Variants in TRMT9B observed in about 807,000 individuals in gnomAD.
TRMT9B encodes probable tRNA methyltransferase 9B.
A neutral mutation model predicts 11.5 loss-of-function variants in TRMT9B; 16 were observed. The ratio of observed to expected loss-of-function variants is 1.39; its 90% CI spans 0.94 to 2.11. The LOEUF is 2.11. Ranked by LOEUF, TRMT9B falls within the 30% of genes most tolerant of loss-of-function variation. The pLI is 0.00. For missense variants in TRMT9B, 941 were observed against 553.8 expected, an observed-to-expected ratio of 1.70 and a Z score of -7.02; for synonymous variants, 274 against 192.4, an observed-to-expected ratio of 1.42 and a Z score of -3.51.
chr8:13,012,782 T>C lies in TRMT9B; in HGVS notation c.253T>C (p.Cys85Arg), dbSNP rs917095425. ...GGTAGAGATTGCCCGGAATAGAGGA[T>C]GTGAAGCCATGGTATGTGACAACCT... is the stretch of plus-strand genomic sequence containing the variant. ...PLVEIARNRG[C>R]EAMVCDNLNL... Residue 85 changes from cysteine to arginine, a missense_variant, in exon 4 of 5, where the codon TGT (cysteine) becomes CGT (arginine). Cys to Arg is a radical substitution (Grantham distance 180). Transcript: ENST00000524591. 9 of 1,613,782 alleles carry C rather than the reference T, an allele frequency of 5.6e-6. No homozygotes were observed. The highest frequency in any genetic ancestry group is 1.3e-5 in the African/African-American group (1 of 74,886).
intron 1 of TRMT9B, among the ~76,000 whole-genome samples, chr8:12,968,033 C>A (rs1293507736): frequency 6.6e-6 from 1 of 152,202 alleles, no homozygotes; most frequent in Non-Finnish European, 1.5e-5. Context: ...TACAGGCACA[C>A]ACCACCACAC....
chr8:12,996,684 C>G (rs962075023), intron 2 of TRMT9B, among the ~76,000 whole-genome samples: 3 of 152,170 alleles, frequency 2.0e-5, no homozygotes, highest in Non-Finnish European at 4.4e-5. Flanking sequence ...AGGCAACTGC[C>G]TCAAAGCAAA....
intron 1 of TRMT9B, among the ~76,000 whole-genome samples, chr8:12,961,338 A>G (rs1034476804): frequency 6.6e-6 from 1 of 152,148 alleles, no homozygotes; most frequent in African/African-American, 2.4e-5. Context: ...CAATATTTTA[A>G]TTTAAAAAAA....
In TRMT9B at chr8:12,962,540, G is replaced by C. The variant is rs1056739577; in HGVS notation, c.-200+16574G>C. Reference sequence around the variant, plus strand: ...GGGTTCCCCTCTATCACCCAGGCTGGAGTGCAGTGGTGTGATCTTGGCTCA... The same window carrying C: ...GGGTTCCCCTCTATCACCCAGGCTGCAGTGCAGTGGTGTGATCTTGGCTCA... On this transcript the variant is annotated intron_variant, in intron 1 of 4. Transcript: ENST00000524591. Among the ~76,000 whole-genome samples the C allele has an allele frequency of 7.2e-4, 109 of 152,070 alleles. 3 individuals are homozygous for C. The highest frequency in any genetic ancestry group is 2.4e-5 in the African/African-American group (1 of 41,402).
intron 1 of TRMT9B, among the ~76,000 whole-genome samples, chr8:12,966,107 C>T (rs982430614): frequency 6.6e-6 from 1 of 151,876 alleles, no homozygotes; most frequent in African/African-American, 2.4e-5. Flanking sequence ...AGAAGGATCA[C>T]TTGAGCCCAG....
intron 1 of TRMT9B, among the ~76,000 whole-genome samples, chr8:12,987,155 C>G (rs1467705871): frequency 1.3e-5 from 2 of 152,202 alleles, no homozygotes; most frequent in African/African-American, 2.4e-5. Context: ...TATCTGGGTT[C>G]AAATCCTGGC....
intron 1 of TRMT9B, among the ~76,000 whole-genome samples, chr8:12,955,330 A>AGG (rs1470652872): frequency 6.6e-6 from 1 of 152,098 alleles, no homozygotes; most frequent in Non-Finnish European, 1.5e-5. Flanking sequence ...GATGATGATG[A>AGG]GGTGGTAGGG....
At chr8:13,009,812 G>A (rs1811249936) in intron 3 of TRMT9B, among the ~76,000 whole-genome samples, 1 of 151,976 alleles carries the variant, frequency 6.6e-6, no homozygotes, top group African/African-American at 2.4e-5. Context: ...CATGTTGTTT[G>A]CTGTATTTTG....
At chr8:13,020,920 C>T in intron 4 of TRMT9B, 88 bp from the exon 5 acceptor site, 1 of 852,980 alleles carries the variant, frequency 1.2e-6, no homozygotes, top group Middle Eastern at 3.1e-4. Flanking sequence ...GTCAAAATTT[C>T]ATCCTTGTTA....
At chr8:12,995,480 C>T (rs1207115828) in intron 2 of TRMT9B, among the ~76,000 whole-genome samples, 1 of 152,158 alleles carries the variant, frequency 6.6e-6, no homozygotes. Flanking sequence ...TTCTCCATTT[C>T]TGGCTTTCTT....
intron 1 of TRMT9B, among the ~76,000 whole-genome samples, chr8:12,949,126 G>GGCCT (rs1253265504): frequency 1.3e-5 from 2 of 151,910 alleles, no homozygotes; most frequent in Non-Finnish European, 2.9e-5. Context: ...TGGCATCACT[G>GGCCT]GCCTGTTTGT....
At chr8:12,981,658 G>T (rs116247306) in intron 1 of TRMT9B, among the ~76,000 whole-genome samples, 3,701 of 151,814 alleles carry the variant, frequency 0.024, 161 homozygotes, top group African/African-American at 0.085. Context: ...GGAGTGCAGT[G>T]TTGTGATCAT....
chr8:12,965,586 A>G (rs967657583), intron 1 of TRMT9B, among the ~76,000 whole-genome samples: 1 of 151,910 alleles, frequency 6.6e-6, no homozygotes, highest in East Asian at 1.9e-4. Context: ...CATATTTTTG[A>G]TAGGATCCCA....
intron 1 of TRMT9B, chr8:12,960,363 A>G (rs1417260709): frequency 6.6e-6 from 1 of 152,236 alleles, no homozygotes; most frequent in Non-Finnish European, 1.5e-5. Flanking sequence ...ACACGTATTA[A>G]GGAGCTTTCA....
rs1192593991 is a variant in TRMT9B, at chr8:12,965,374, G to T, written c.-200+19408G>T. The stretch of plus-strand genomic sequence containing the variant: ...CACAGAGCATAGAGATGGTGGCAGG[G>T]AGATTTGGCTAAAAAGCAGAAGGCT... On this transcript the variant is annotated intron_variant, in intron 1 of 4. Coordinates refer to ENST00000524591, the MANE Select transcript of TRMT9B (RefSeq NM_020844.3). Among the ~76,000 whole-genome samples the T allele has an allele frequency of 2.0e-5, 3 of 152,306 alleles. No individual in the cohort carries two copies. In the East Asian group the frequency reaches 5.8e-4, roughly 29 times the overall value.
intron 1 of TRMT9B, among the ~76,000 whole-genome samples, chr8:12,959,435 A>G (rs1399545711): frequency 1.3e-5 from 2 of 150,252 alleles, no homozygotes; most frequent in East Asian, 2.0e-4. Context: ...CCATGCAAAT[A>G]TGCCACAACT....
At chr8:12,979,430 C>T (rs1276971127) in intron 1 of TRMT9B, among the ~76,000 whole-genome samples, 2 of 152,094 alleles carry the variant, frequency 1.3e-5, no homozygotes. Flanking sequence ...GAGCCAATAT[C>T]ATGCCACTGC....
At chr8:12,969,891 G>A (rs1401044688) in intron 1 of TRMT9B, 1 of 135,374 alleles carries the variant, frequency 7.4e-6, no homozygotes, top group Non-Finnish European at 1.6e-5. Context: ...CTTGCTATGT[G>A]GCCCAGGCTG....
chr8:13,013,131 AG>A (rs1200323397), intron 4 of TRMT9B, among the ~76,000 whole-genome samples: 1 of 152,242 alleles, frequency 6.6e-6, no homozygotes, highest in African/African-American at 2.4e-5. Flanking sequence ...AAAGGATTAG[AG>A]GAATCTTACT....
Sources: allele counts gnomAD v4.1 joint callset (sites outside exome capture counted in the v4.1 genomes callset), GRCh38; gene constraint gnomAD v4.1.1; transcripts MANE v1.5; gene names NCBI Gene and HGNC (gene_info 2026-07-23, HGNC 2026-07-21).